Variants in SSBP4 observed in about 807,000 individuals in gnomAD.
The protein encoded by SSBP4 is single-stranded DNA-binding protein 4.
A neutral mutation model predicts 64.6 loss-of-function variants in SSBP4; 33 were observed. The observed-to-expected ratio is 0.51, with a 90% CI of 0.39 to 0.68. SSBP4 has a LOEUF of 0.68. Among genes scored for constraint, SSBP4 ranks in the 30% least tolerant of loss-of-function variants. SSBP4 has a pLI of 0.00. For missense variants in SSBP4, 583 were observed against 566.8 expected (o/e 1.03, Z -0.29); for synonymous variants, 243 against 224.0 (o/e 1.08, Z -0.76).
chr19:18,415,638 A>C (rs572614774), upstream of SSBP4, among the ~76,000 whole-genome samples: 23 of 152,118 alleles, frequency 1.5e-4, no homozygotes, highest in Non-Finnish European at 2.6e-4. Flanking sequence ...CTCCCCCAGG[A>C]GGACCAAGGA....
upstream of SSBP4, among the ~76,000 whole-genome samples, chr19:18,417,122 C>T (rs922681930): frequency 1.3e-5 from 2 of 152,076 alleles, no homozygotes; most frequent in Non-Finnish European, 2.9e-5. This position sits in a 1 kb window ranked among gnomAD's most constrained non-coding sequence, Gnocchi z 5.4. Flanking sequence ...ACCGACCCCG[C>T]CGTCGCCCGT....
chr19:18,433,414 TC>T (rs917121812), intron 15 of SSBP4, 170 bp from the exon 16 acceptor site: 532 of 1,302,904 alleles, frequency 4.1e-4, no homozygotes, highest in Admixed American at 1.5e-3. Flanking sequence ...TGACCGCCCC[TC>T]CCCCCCAGGC....
chr19:18,419,415 G>C lies in SSBP4; in HGVS notation c.-234G>C, dbSNP rs1340020002. On this transcript the variant is annotated 5_prime_UTR_variant, in exon 1 of 18. Transcript: ENST00000270061. The stretch of plus-strand genomic sequence containing the variant: ...GAGCGCGCGTTTCCCGGAACAGCCC[G>C]CGCGGAGGAAAGGGAGGAAAAAAAG... 3 of 1,038,700 alleles carry C rather than the reference G, an allele frequency of 2.9e-6. No individual in the cohort carries two copies. The Admixed American group carries it at 1.7e-4, about 58-fold the overall frequency. The allele number at this position is 1,038,700 out of a possible 1,614,324, so 64.3% of individuals were successfully genotyped here.
Position 18,423,296 on chromosome 19 carries a change from T to G in SSBP4, c.59+3589T>G, listed in dbSNP as rs1481524374. ...GTGGCTTGTTCATCAGCCTGGCAGG[T>G]AAGCCAGGGATGGGATTCACGATTG... On this transcript the variant is annotated intron_variant, in intron 1 of 17. Coordinates refer to ENST00000270061, the MANE Select transcript of SSBP4 (RefSeq NM_032627.5). The surrounding 1 kb of genome is among the most constrained non-coding windows in gnomAD (Gnocchi z 4.0). Among the ~76,000 whole-genome samples, 1 of 152,114 alleles carries G rather than the reference T, an allele frequency of 6.6e-6. No individual in the cohort carries two copies. Among genetic ancestry groups the G allele is most frequent in the Admixed American group, 6.5e-5 (1 of 15,272 alleles).
intron 1 of SSBP4, among the ~76,000 whole-genome samples, chr19:18,420,801 G>A (rs988231621): frequency 2.0e-5 from 3 of 151,280 alleles, no homozygotes; most frequent in East Asian, 1.9e-4. Context: ...GCAGTGAGCC[G>A]AGATCACGCC....
the SSBP4 span, among the ~76,000 whole-genome samples, chr19:18,408,496 ATT>A: frequency 6.9e-6 from 1 of 144,532 alleles, no homozygotes. Context: ...CAAGCCACCA[ATT>A]TTTTTTTTTT....
chr19:18,417,208 A>T (rs1291421401), upstream of SSBP4, among the ~76,000 whole-genome samples: 1 of 151,668 alleles, frequency 6.6e-6, no homozygotes, highest in Non-Finnish European at 1.5e-5. This position sits in a 1 kb window ranked among gnomAD's most constrained non-coding sequence, Gnocchi z 5.4. Flanking sequence ...CCAGCTTTTG[A>T]CTGTCCGCCT....
chr19:18,415,519 A>G (rs1033718155), upstream of SSBP4, among the ~76,000 whole-genome samples: 2 of 152,176 alleles, frequency 1.3e-5, no homozygotes, highest in Non-Finnish European at 2.9e-5. Context: ...GCCAAGTCCA[A>G]CTAGGGACTG....
chr19:18,434,100 CCCCATGTCTGCCCAGGACCCAG>C (rs987505575), intron 17 of SSBP4, 95 bp from the exon 18 acceptor site: 2 of 1,486,828 alleles, frequency 1.3e-6, no homozygotes, highest in African/African-American at 2.9e-5. Context: ...CCTGTCCCCA[CCCCATGTCTGCCCAGGACCCAG>C]CCCTGCCCTG....
At chr19:18,431,625 G>A in intron 6 of SSBP4, 22 bp from the exon 7 acceptor site, 1 of 1,536,328 alleles carries the variant, frequency 6.5e-7, no homozygotes, top group Non-Finnish European at 8.8e-7. Context: ...GGAAGGTGCT[G>A]ATCCCCGCCC....
rs769239757 is a variant in SSBP4 at position 18,433,053 on chromosome 19, G to A, written c.912+10G>A. On this transcript the variant is annotated intron_variant, in intron 14 of 17. Coordinates refer to ENST00000270061, the MANE Select transcript of SSBP4 (RefSeq NM_032627.5). Reference sequence around the variant, plus strand: ...CGCCGGCAGGGCTAATGTGAGTGGGGGCTTGCAGGGGTGCTTCTCGAGGCG... The same window carrying A: ...CGCCGGCAGGGCTAATGTGAGTGGGAGCTTGCAGGGGTGCTTCTCGAGGCG... 2 of 1,614,054 alleles carry A rather than the reference G, an allele frequency of 1.2e-6. No individual in the cohort carries two copies. Among genetic ancestry groups the A allele is most frequent in the East Asian group, 2.2e-5 (1 of 44,880 alleles).
chr19:18,432,524 T>A, intron 10 of SSBP4, 35 bp from the exon 11 acceptor site: 1 of 1,546,690 alleles, frequency 6.5e-7, no homozygotes, highest in South Asian at 1.2e-5. Context: ...CCACATGGAC[T>A]AGCCCCAGAG....
At chr19:18,403,073 A>G in the SSBP4 span, among the ~76,000 whole-genome samples, 2 of 152,252 alleles carry the variant, frequency 1.3e-5, no homozygotes, top group Admixed American at 6.5e-5. Context: ...ACGTATTGGC[A>G]GCAATGCTGC....
chr19:18,433,940 G>A, intron 17 of SSBP4, 123 bp downstream of exon 17: 2 of 1,245,112 alleles, frequency 1.6e-6, no homozygotes, highest in South Asian at 3.2e-5. Flanking sequence ...CAGGTGGGGG[G>A]GCGGCCGCGG....
chr19:18,406,402 A>C, the SSBP4 span, among the ~76,000 whole-genome samples: 1 of 151,824 alleles, frequency 6.6e-6, no homozygotes, highest in African/African-American at 2.4e-5. Flanking sequence ...GCTGGTCTCA[A>C]ACTCCTGGCC....
At chr19:18,414,749 C>A (rs1972118292), upstream of SSBP4, among the ~76,000 whole-genome samples, 1 of 152,074 alleles carries the variant, frequency 6.6e-6, no homozygotes, top group Admixed American at 6.6e-5. Flanking sequence ...TTGGCCAGGC[C>A]CTCCTGTATC....
intron 7 of SSBP4, 30 bp downstream of exon 7, chr19:18,431,736 G>A (rs1164711165): frequency 6.5e-7 from 1 of 1,543,120 alleles, no homozygotes; most frequent in Non-Finnish European, 8.8e-7. Flanking sequence ...AGGGCGGGCA[G>A]GAGCTGGGCC....
intron 4 of SSBP4, among the ~76,000 whole-genome samples, chr19:18,429,468 GGC>G (rs1338599062): frequency 8.1e-6 from 1 of 123,526 alleles, no homozygotes; most frequent in Non-Finnish European, 1.6e-5. Context: ...GGTCGCAGGG[GGC>G]GGGGGGGGGG....
At chr19:18,404,994 C>CA in the SSBP4 span, among the ~76,000 whole-genome samples, 266 of 151,470 alleles carry the variant, frequency 1.8e-3, no homozygotes, top group African/African-American at 6.2e-3. Flanking sequence ...GGCCCCCCCC[C>CA]CCGCGAAAGA....
Sources: allele counts gnomAD v4.1 joint callset (sites outside exome capture counted in the v4.1 genomes callset), GRCh38; gene constraint gnomAD v4.1.1; non-coding constraint Gnocchi (gnomAD v3.1); transcripts MANE v1.5; gene names NCBI Gene and HGNC (gene_info 2026-07-23, HGNC 2026-07-21).